MAP4: variants seen among roughly 807,000 people sequenced by gnomAD.
MAP4 encodes microtubule-associated protein 4.
In MAP4, 76 loss-of-function variants were observed where a neutral mutation model predicts 170.2. The observed-to-expected ratio is 0.45, with a 90% CI of 0.37 to 0.54. The LOEUF (loss-of-function observed/expected upper bound fraction) is 0.54, where lower values mean the gene tolerates loss of function less well. Among genes scored for constraint, MAP4 ranks in the 20% least tolerant of loss-of-function variants. The pLI is 0.00. For missense variants in MAP4, 2,506 were observed against 2,748.0 expected, an observed-to-expected ratio of 0.91 and a Z score of 1.97; for synonymous variants, 909 against 994.5, an observed-to-expected ratio of 0.91 and a Z score of 1.62.
intron 3 of MAP4, among the ~76,000 whole-genome samples, chr3:47,952,248 G>A (rs1347865263): frequency 1.3e-5 from 2 of 151,374 alleles, no homozygotes; most frequent in South Asian, 2.1e-4. Flanking sequence ...CGCCCCGTCC[G>A]GGAGGGAGGT....
intron 3 of MAP4, among the ~76,000 whole-genome samples, chr3:47,969,372 C>T (rs1312371051): frequency 6.6e-6 from 1 of 151,010 alleles, no homozygotes; most frequent in East Asian, 1.9e-4. Context: ...CGCCATTGCA[C>T]TCCAGCCTGG....
At chr3:47,973,387 T>C (rs1183662947) in intron 3 of MAP4, 2 of 985,284 alleles carry the variant, frequency 2.0e-6, no homozygotes, top group African/African-American at 1.7e-5. Context: ...GTGACCACTA[T>C]GGCAATACAG....
intron 1 of MAP4, among the ~76,000 whole-genome samples, chr3:48,074,728 T>TGTGTGTGTGTG (rs2100142995): frequency 2.9e-5 from 1 of 34,990 alleles, no homozygotes; most frequent in African/African-American, 1.1e-4. Context: ...GTGTGTGTGA[T>TGTGTGTGTGTG]ATGTCGGCCA....
chr3:48,085,636 G>C (rs954646824), intron 1 of MAP4, among the ~76,000 whole-genome samples: 1 of 152,172 alleles, frequency 6.6e-6, no homozygotes, highest in Non-Finnish European at 1.5e-5. Flanking sequence ...TAAAATACCC[G>C]TAAGGCCAGG....
At chr3:48,082,212 C>T (rs951376341) in intron 1 of MAP4, among the ~76,000 whole-genome samples, 1 of 152,142 alleles carries the variant, frequency 6.6e-6, no homozygotes, top group Non-Finnish European at 1.5e-5. Context: ...ATAATATAAT[C>T]AACGCTGCCG....
Position 47,911,966 on chromosome 3 carries a change from T to TA in MAP4, c.2454dup (p.Met819TyrfsTer20). 6.5e-7 allele frequency: 1 copy of TA among 1,536,122 alleles called. No homozygotes were observed. Among genetic ancestry groups the TA allele is most frequent in the Non-Finnish European group, 8.7e-7 (1 of 1,146,892 alleles). Reference sequence around the variant, plus strand: ...GATACAAGTCCATATTCTGTACCCATAGTGGTAGGCTGGCTGGGGAGAACA... The same window carrying TA: ...GATACAAGTCCATATTCTGTACCCATAAGTGGTAGGCTGGCTGGGGAGAACA... On this transcript the variant is annotated frameshift_variant, in exon 9 of 21. Coordinates refer to ENST00000683076, the MANE Select transcript of MAP4 (RefSeq NM_001385682.1). LOFTEE classifies it high-confidence loss of function. This position sits in a 1 kb window ranked among gnomAD's most constrained non-coding sequence, Gnocchi z 4.0.
chr3:47,894,364 C>T (rs754576137), intron 10 of MAP4, among the ~76,000 whole-genome samples: 2 of 152,068 alleles, frequency 1.3e-5, no homozygotes, highest in Admixed American at 6.6e-5. Flanking sequence ...AGGTGGATCA[C>T]GAGGTCAGGA....
At chr3:48,083,647 G>T (rs1189229964) in intron 1 of MAP4, among the ~76,000 whole-genome samples, 1 of 151,626 alleles carries the variant, frequency 6.6e-6, no homozygotes. Flanking sequence ...TTACAGGCAT[G>T]AGCCACCGCA....
In MAP4 at chr3:47,852,802, GC is replaced by G; in HGVS notation, c.*131del. 1 of 1,549,200 alleles carries G rather than the reference GC, an allele frequency of 6.5e-7. No homozygotes were observed. The highest frequency in any genetic ancestry group is 2.4e-5 in the East Asian group (1 of 40,892). On this transcript the variant is annotated 3_prime_UTR_variant, in exon 21 of 21. Transcript: ENST00000683076. ...CAAGCGCTCACTGGTCTAGTGGACA[GC>G]CCGGGAAAGGGGGCCAAGGACCCGG...
intron 3 of MAP4, among the ~76,000 whole-genome samples, chr3:47,935,788 T>C (rs2100052379): frequency 2.0e-5 from 3 of 151,364 alleles, no homozygotes; most frequent in African/African-American, 7.3e-5. Flanking sequence ...AATACAAAAA[T>C]TAGCCGGGGG....
At chr3:47,973,346 C>T (rs2100079941) in intron 3 of MAP4, 2 of 985,200 alleles carry the variant, frequency 2.0e-6, no homozygotes, top group Admixed American at 6.2e-5. Context: ...AGTCTGGCTG[C>T]CTCACCATTG....
intron 1 of MAP4, among the ~76,000 whole-genome samples, chr3:47,999,845 T>TA (rs10707358): frequency 1.4e-5 from 2 of 147,932 alleles, no homozygotes; most frequent in African/African-American, 5.0e-5. Flanking sequence ...AAATAAAGTT[T>TA]AAAAAAAAAA....
chr3:47,981,175 A>T (rs2100085202), intron 2 of MAP4, among the ~76,000 whole-genome samples: 1 of 152,228 alleles, frequency 6.6e-6, no homozygotes, highest in Non-Finnish European at 1.5e-5. Context: ...ACAGATTATA[A>T]TATTGTAAAA....
chr3:48,035,365 G>A (rs2100118313), intron 1 of MAP4, among the ~76,000 whole-genome samples: 1 of 151,972 alleles, frequency 6.6e-6, no homozygotes, highest in South Asian at 2.1e-4. Flanking sequence ...CAGATGCAGT[G>A]GCTGACACCT....
chr3:48,029,207 G>GTA (rs2100114662), intron 1 of MAP4, among the ~76,000 whole-genome samples: 1 of 152,046 alleles, frequency 6.6e-6, no homozygotes, highest in Non-Finnish European at 1.5e-5. Flanking sequence ...TGAGGCCAAA[G>GTA]CGGGCAGATC....
At position 47,911,575 on chromosome 3, in the gene MAP4, G is replaced by C. The variant is rs1431291676; in HGVS notation, c.2846C>G (p.Ser949Cys). ...PLDIRLKEGCSPFLDQEVMGV... is the reference protein window; with the variant it reads ...PLDIRLKEGCCPFLDQEVMGV... ...CATAACCTCTTGGTCCAAGAAAGGA[G>C]AGCAACCCTCTTTAAGTCTGATATC... Residue 949 changes from serine to cysteine, a missense_variant, in exon 9 of 21, where the codon TCT becomes TGT. Ser to Cys is a moderately radical substitution (Grantham distance 112). This residue lies in a region of MAP4 where 2,008 missense variants were observed against 2,206.0 expected (regional missense o/e 0.91). Transcript: ENST00000683076. The surrounding 1 kb of genome is among the most constrained non-coding windows in gnomAD (Gnocchi z 4.0). 1.3e-6 allele frequency: 2 copies of C among 1,536,116 alleles called. No individual in the cohort carries two copies. The highest frequency in any genetic ancestry group is 1.2e-5 in the South Asian group (1 of 84,060).
intron 1 of MAP4, among the ~76,000 whole-genome samples, chr3:48,050,304 A>G (rs2100127008): frequency 1.3e-5 from 2 of 151,946 alleles, no homozygotes. Flanking sequence ...ATAACGGAGT[A>G]GAAGAAAATA....
chr3:47,983,124 C>T (rs2100086383), intron 2 of MAP4, among the ~76,000 whole-genome samples: 1 of 152,168 alleles, frequency 6.6e-6, no homozygotes. Flanking sequence ...AGGCTGATGT[C>T]AAACTCCCGA....
At chr3:47,988,313 A>G (rs1415131816) in intron 2 of MAP4, among the ~76,000 whole-genome samples, 3 of 152,078 alleles carry the variant, frequency 2.0e-5, no homozygotes, top group Non-Finnish European at 2.9e-5. Context: ...GAATGACCCA[A>G]TTGAAAGAAA....
Sources: allele counts gnomAD v4.1 joint callset (sites outside exome capture counted in the v4.1 genomes callset), GRCh38; gene constraint gnomAD v4.1.1; regional missense constraint gnomAD v4.1.1; non-coding constraint Gnocchi (gnomAD v3.1); transcripts MANE v1.5; gene names NCBI Gene and HGNC (gene_info 2026-07-23, HGNC 2026-07-21).